The following SALL2 variants were observed in gnomAD, a reference collection of about 807,000 sequenced individuals.
The protein encoded by SALL2 is sal-like protein 2.
SALL2 carries 32 observed loss-of-function variants against 58.5 expected under a neutral mutation model. The ratio of observed to expected loss-of-function variants is 0.55; its 90% CI spans 0.41 to 0.74. The LOEUF (loss-of-function observed/expected upper bound fraction) is 0.74. Ranked by LOEUF, SALL2 falls within the 30% of genes least tolerant of loss-of-function variation. The pLI, the probability that SALL2 is intolerant of heterozygous loss-of-function variation, is 0.00. For missense variants in SALL2, 1,201 were observed against 1,268.9 expected, an observed-to-expected ratio of 0.95 and a Z score of 0.81; for synonymous variants, 516 against 513.6, an observed-to-expected ratio of 1.00 and a Z score of -0.06.
chr14:21,522,779 G>A lies in SALL2; in HGVS notation c.2943C>T (p.Val981=), dbSNP rs1398811580. Residue 981 remains valine, a synonymous_variant, in exon 2 of 2, where the codon GTC becomes GTT. Coordinates refer to ENST00000537235, the MANE Select transcript of SALL2 (RefSeq NM_001364564.1). ...AGGTGATGGAAGGCGAACAGCCAGG[G>A]ACTAGAGAAAGAGCAGCAATATTCT... The part of the protein sequence containing the change: ...GPQNIAALSL[V]PGCSPSITST... 6.3e-7 allele frequency: 1 copy of A among 1,590,610 alleles called. No homozygotes were observed. The highest frequency in any genetic ancestry group is 8.5e-7 in the Non-Finnish European group (1 of 1,170,134).
At chr14:21,536,802 C>A in intron 1 of SALL2, 5 of 1,543,936 alleles carry the variant, frequency 3.2e-6, no homozygotes, top group Non-Finnish European at 4.5e-6. Context: ...TGGCCTGACC[C>A]ACACAGGCTT....
At chr14:21,529,845 T>G (rs577578430), upstream of SALL2, among the ~76,000 whole-genome samples, 40 of 152,238 alleles carry the variant, frequency 2.6e-4, no homozygotes, top group East Asian at 7.2e-3. Context: ...CATCCCAGGC[T>G]AATTAATTCA....
chr14:21,523,127 G>A lies in SALL2; in HGVS notation c.2595C>T (p.Gly865=). The A allele has an allele frequency of 6.2e-7, 1 of 1,614,130 alleles. No individual in the cohort carries two copies. Among genetic ancestry groups the A allele is most frequent in the Non-Finnish European group, 8.5e-7 (1 of 1,180,024 alleles). Residue 865 remains glycine, a synonymous_variant, in exon 2 of 2, where the codon GGC becomes GGT. Transcript: ENST00000537235. This position sits in a 1 kb window ranked among gnomAD's most constrained non-coding sequence, Gnocchi z 4.4. Reference sequence around the variant, plus strand: ...CCGGACTTGAGCTTCTCTCCGGTTTGCCCCCCTCTTCCTTGCCTCCTAAAA... The same window carrying A: ...CCGGACTTGAGCTTCTCTCCGGTTTACCCCCCTCTTCCTTGCCTCCTAAAA... ...SGVLGGKEEG[G]KPERSSSPAS... is the part of the protein sequence containing the mutation.
intron 1 of SALL2, among the ~76,000 whole-genome samples, chr14:21,536,046 C>T (rs953609850): frequency 2.6e-5 from 4 of 152,188 alleles, no homozygotes; most frequent in African/African-American, 9.7e-5. Flanking sequence ...AGCAATTTCA[C>T]TCTTCAATTC....
At chr14:21,526,364 A>T, upstream of SALL2, 2 of 1,098,078 alleles carry the variant, frequency 1.8e-6, no homozygotes, top group East Asian at 5.4e-5. Flanking sequence ...GCTGATGAGG[A>T]GGGGAGTTTA....
In SALL2 at chr14:21,521,345, C is replaced by G. The variant is rs958343503; in HGVS notation, c.*1359G>C. 1 of 152,144 alleles carries G rather than the reference C, an allele frequency of 6.6e-6. No homozygotes were observed. The highest frequency in any genetic ancestry group is 1.5e-5 in the Non-Finnish European group (1 of 68,094). 9.4% of individuals were successfully genotyped at this position (152,144 alleles called of 1,614,324 possible). ...AGCTGGTCTCCCAAAGTCTGGGACT[C>G]TTAAGAACCAGACAATGACAAAGAC... On this transcript the variant is annotated 3_prime_UTR_variant, in exon 2 of 2. Transcript: ENST00000537235.
chr14:21,526,014 T>TGCC, intron 1 of SALL2, 47 bp downstream of exon 1: 1 of 1,041,064 alleles, frequency 9.6e-7, no homozygotes, highest in Non-Finnish European at 1.4e-6. Flanking sequence ...CCCCTGCGCA[T>TGCC]CCCCCTCCGC....
intron 1 of SALL2, 60 bp downstream of exon 1, chr14:21,526,001 C>CGGGGGGGGGGGGGGGGGGGGGGG: frequency 5.0e-6 from 7 of 1,389,788 alleles, no homozygotes; most frequent in Non-Finnish European, 6.9e-6. Context: ...AAAGTCTTCG[C>CGGGGGGGGGGGGGGGGGGGGGGG]CGCCCCTGCG....
chr14:21,524,931 C>A lies in SALL2; in HGVS notation c.791G>T (p.Gly264Val), dbSNP rs1314711687. ...GAAGGCCTGCTTGGGCGTTTCTGCC[C>A]CTGAAGAGGAAGAGGAGGAGGAGGA... ...SSSSSSSSSS[G>V]AETPKQAFFH... Residue 264 changes from glycine to valine, a missense_variant, in exon 2 of 2, where the codon GGG becomes GTG. Gly to Val is a moderately radical substitution (Grantham distance 109). Coordinates refer to ENST00000537235, the MANE Select transcript of SALL2 (RefSeq NM_001364564.1). 1 of 1,614,088 alleles carries A rather than the reference C, an allele frequency of 6.2e-7. No individual in the cohort carries two copies. The highest frequency in any genetic ancestry group is 8.5e-7 in the Non-Finnish European group (1 of 1,179,988).
Position 21,524,561 on chromosome 14 carries a change from C to T in SALL2, c.1161G>A (p.Gln387=), listed in dbSNP as rs765491631. The T allele has an allele frequency of 3.7e-6, 6 of 1,614,276 alleles. No individual in the cohort carries two copies. Among genetic ancestry groups the T allele is most frequent in the Non-Finnish European group, 5.1e-6 (6 of 1,180,050 alleles). Residue 387 remains glutamine, a synonymous_variant, in exon 2 of 2, where the codon CAG becomes CAA. Transcript: ENST00000537235. ...CACCCGTGTGGGAACGAAGGTGGAT[C>T]TGCAGGGCACTGTCACTGCCAAATA... ...AKVFGSDSAL[Q]IHLRSHTGER...
At position 21,524,259 on chromosome 14, in the gene SALL2, A is replaced by G. The variant is rs1316552676; in HGVS notation, c.1463T>C (p.Leu488Pro). 6 of 1,613,692 alleles carry G rather than the reference A, an allele frequency of 3.7e-6. No individual in the cohort carries two copies. The highest frequency in any genetic ancestry group is 5.1e-6 in the Non-Finnish European group (6 of 1,179,906). Residue 488 changes from leucine to proline, a missense_variant, in exon 2 of 2, where the codon CTG becomes CCG. By Grantham distance (98) the Leu-to-Pro change is moderately conservative. Transcript: ENST00000537235. ...GCCTGCACTGGTGGAGAGCAGAGTCAGGCTCTCTGTGGCACTGAGTGCTGT... is the reference window on the plus strand; with the variant it reads ...GCCTGCACTGGTGGAGAGCAGAGTCGGGCTCTCTGTGGCACTGAGTGCTGT... ...STTALSATES[L>P]TLLSTSAGTA...
At position 21,523,199 on chromosome 14, in the gene SALL2, A is replaced by AGGT. The variant is rs577054419; in HGVS notation, c.2520_2522dup (p.Pro841dup). ...TTGGCTGAGGCTGATCCAGGCTGTC[A>AGGT]GGTGGTGGTGGTGGTGGCAAAGAAG... On this transcript the variant is annotated inframe_insertion, in exon 2 of 2. Coordinates refer to ENST00000537235, the MANE Select transcript of SALL2 (RefSeq NM_001364564.1). This position sits in a 1 kb window ranked among gnomAD's most constrained non-coding sequence, Gnocchi z 4.4. 1,153 of 1,614,070 alleles carry AGGT rather than the reference A, an allele frequency of 7.1e-4. 19 individuals carry two copies. In the East Asian group the frequency reaches 0.025, roughly 35 times the overall value.
rs2139666128 is a variant in SALL2, at chr14:21,523,242, T to G, written c.2480A>C (p.Glu827Ala). 1.9e-6 allele frequency: 3 copies of G among 1,613,948 alleles called. No homozygotes were observed. The highest frequency in any genetic ancestry group is 2.5e-6 in the Non-Finnish European group (3 of 1,180,026). Residue 827 changes from glutamate (E) to alanine (A), a missense_variant, in exon 2 of 2, where the codon GAG becomes GCG. Glu to Ala is a moderately radical substitution (Grantham distance 107). This residue lies in a region of SALL2 where 675 missense variants were observed against 683.8 expected (regional missense o/e 0.99). Transcript: ENST00000537235. The surrounding 1 kb of genome is among the most constrained non-coding windows in gnomAD (Gnocchi z 4.4). Reference protein sequence around the residue: ...ATAGKEMDSNEKTTQQSSLPP... With the variant: ...ATAGKEMDSNAKTTQQSSLPP... The stretch of plus-strand genomic sequence containing the variant: ...CAAAGAAGACTGTTGAGTAGTTTTC[T>G]CATTACTGTCCATCTCCTTCCCAGC...
At chr14:21,532,885 C>A (rs1323757772) in intron 1 of SALL2, among the ~76,000 whole-genome samples, 1 of 151,882 alleles carries the variant, frequency 6.6e-6, no homozygotes, top group Non-Finnish European at 1.5e-5. Flanking sequence ...ATGGTGTGAA[C>A]CCGGGAGGCG....
intron 1 of SALL2, among the ~76,000 whole-genome samples, chr14:21,533,057 C>T (rs1038626038): frequency 6.6e-6 from 1 of 152,040 alleles, no homozygotes; most frequent in African/African-American, 2.4e-5. Context: ...TAGCACAGTA[C>T]CTGAATGCTC....
Position 21,523,938 on chromosome 14 carries a change from T to TCTA in SALL2, c.1781_1783dup (p.Val594dup). 1 of 1,614,192 alleles carries TCTA rather than the reference T, an allele frequency of 6.2e-7. No homozygotes were observed. Among genetic ancestry groups the TCTA allele is most frequent in the Middle Eastern group, 1.6e-4 (1 of 6,062 alleles). On this transcript the variant is annotated inframe_insertion, in exon 2 of 2. Coordinates refer to ENST00000537235, the MANE Select transcript of SALL2 (RefSeq NM_001364564.1). This position sits in a 1 kb window ranked among gnomAD's most constrained non-coding sequence, Gnocchi z 4.4. Reference sequence around the variant, plus strand: ...CACAGCTCCTTGCCGGTCAATCTTTTCTACCAGTTGCTGCAGCTTTGATGT... The same window carrying TCTA: ...CACAGCTCCTTGCCGGTCAATCTTTTCTACTACCAGTTGCTGCAGCTTTGATGT...
rs1245444542 is a variant in SALL2 at position 21,522,959 on chromosome 14, C to T, written c.2763G>A (p.Gln921=). ...TCTTCTGATGCTCCTCCAGAGCTGC[C>T]TGGGAGGGAAAGGCCTGGCCACACA... ...CEVCGQAFPS[Q]AALEEHQKTH... Residue 921 remains glutamine (Q), a synonymous_variant, in exon 2 of 2, where the codon CAG becomes CAA. Transcript: ENST00000537235. 6.2e-7 allele frequency: 1 copy of T among 1,614,130 alleles called. No individual in the cohort carries two copies. Among genetic ancestry groups the T allele is most frequent in the Non-Finnish European group, 8.5e-7 (1 of 1,180,012 alleles).
chr14:21,529,984 C>T (rs542708475), upstream of SALL2, among the ~76,000 whole-genome samples: 2 of 152,282 alleles, frequency 1.3e-5, no homozygotes, highest in East Asian at 1.9e-4. Context: ...ATACCTTCCA[C>T]CCTGCTCCTC....
chr14:21,526,014 T>TA, intron 1 of SALL2, 47 bp downstream of exon 1: 2 of 1,041,060 alleles, frequency 1.9e-6, no homozygotes, highest in Non-Finnish European at 2.9e-6. Flanking sequence ...CCCCTGCGCA[T>TA]CCCCCTCCGC....
Sources: gnomAD v4.1 joint callset for allele counts (sites outside exome capture counted in the v4.1 genomes callset) on GRCh38, gnomAD v4.1.1 for gene constraint, gnomAD v4.1.1 regional missense constraint, Gnocchi (gnomAD v3.1) non-coding constraint, MANE v1.5 for transcripts, NCBI Gene and HGNC (gene_info 2026-07-23, HGNC 2026-07-21) for gene names.